SP1: variants seen among roughly 807,000 people sequenced by gnomAD.
The protein encoded by SP1 is transcription factor Sp1.
In SP1, 6 loss-of-function variants were observed where a neutral mutation model predicts 66.3. The ratio of observed to expected loss-of-function variants is 0.09; its 90% confidence interval spans 0.05 to 0.18. The LOEUF (loss-of-function observed/expected upper bound fraction) is 0.18, where lower values mean the gene tolerates loss of function less well. Among genes scored for constraint, SP1 ranks in the 10% least tolerant of loss-of-function variants. The pLI is 1.00. For missense variants in SP1, 848 were observed against 964.5 expected, an observed-to-expected ratio of 0.88 and a Z score of 1.60; for synonymous variants, 417 against 360.8, an observed-to-expected ratio of 1.16 and a Z score of -1.77.
intron 3 of SP1, among the ~76,000 whole-genome samples, chr12:53,400,996 A>C (rs980940395): frequency 5.3e-5 from 8 of 151,450 alleles, no homozygotes; most frequent in African/African-American, 1.9e-4. Flanking sequence ...TCCTGACCTC[A>C]GGTGATCCAC....
At chr12:53,381,598 C>A in intron 1 of SP1, 61 bp from the exon 2 acceptor site, 2 of 1,462,730 alleles carry the variant, frequency 1.4e-6, no homozygotes, top group Non-Finnish European at 1.9e-6. Flanking sequence ...TCCTTTTATC[C>A]TTCCTACTTC....
Position 53,383,135 on chromosome 12 carries a change from G to A in SP1, c.1188G>A (p.Gln396=). ...KEGEQNQQTQ[Q]QQILIQPQLV... is the part of the protein sequence containing the mutation. ...GAGAGCAAAACCAGCAGACACAGCA[G>A]CAACAAATTCTTATCCAGCCTCAGC... Residue 396 remains glutamine, a synonymous_variant, in exon 3 of 6, where the codon CAG becomes CAA. Transcript: ENST00000327443. 1 of 1,614,216 alleles carries A rather than the reference G, an allele frequency of 6.2e-7. No individual in the cohort carries two copies. The highest frequency in any genetic ancestry group is 1.7e-5 in the Admixed American group (1 of 60,018).
At chr12:53,381,247 T>TGGCC (rs1274405072) in intron 1 of SP1, 2 of 156,520 alleles carry the variant, frequency 1.3e-5, no homozygotes, top group African/African-American at 4.8e-5. Flanking sequence ...CCACCGCGCC[T>TGGCC]GGCCTCTCCA....
At chr12:53,405,816 A>G (rs1318966406) in intron 3 of SP1, among the ~76,000 whole-genome samples, 1 of 152,076 alleles carries the variant, frequency 6.6e-6, no homozygotes, top group Non-Finnish European at 1.5e-5. Flanking sequence ...GATAGGTGAA[A>G]AATTACAAAT....
At position 53,410,983 on chromosome 12, in the gene SP1, C is replaced by T; in HGVS notation, c.2101C>T (p.Leu701=). The change falls in exon 6 of 6, where the codon CTG becomes TTG. Residue 701 remains leucine, a synonymous_variant. Transcript: ENST00000327443. ...CPKRFMRSDH[L]SKHIKTHQNK... The stretch of plus-strand genomic sequence containing the variant: ...TAAGCGCTTCATGAGGAGTGACCAC[C>T]TGTCAAAACATATCAAGACCCACCA... 1 of 1,614,150 alleles carries T rather than the reference C, an allele frequency of 6.2e-7. No individual in the cohort carries two copies. The highest frequency in any genetic ancestry group is 8.5e-7 in the Non-Finnish European group (1 of 1,179,980).
intron 3 of SP1, among the ~76,000 whole-genome samples, chr12:53,387,098 G>A (rs902162467): frequency 1.1e-4 from 16 of 151,988 alleles, no homozygotes; most frequent in Admixed American, 2.6e-4. Context: ...TTACAGGCAC[G>A]TCCCACCATG....
At chr12:53,384,321 G>A (rs1938178752) in intron 3 of SP1, among the ~76,000 whole-genome samples, 1 of 147,596 alleles carries the variant, frequency 6.8e-6, no homozygotes, top group African/African-American at 2.5e-5. Context: ...GTCTTACTCT[G>A]TTACCCAGGC....
chr12:53,386,936 G>GTTT (rs145360387), intron 3 of SP1, among the ~76,000 whole-genome samples: 5 of 128,036 alleles, frequency 3.9e-5, no homozygotes, highest in African/African-American at 1.8e-4. Context: ...CAACTTCTAG[G>GTTT]TTTGTTTTTT....
chr12:53,402,448 T>G (rs1399297931), intron 3 of SP1, among the ~76,000 whole-genome samples: 1 of 149,236 alleles, frequency 6.7e-6, no homozygotes, highest in Non-Finnish European at 1.5e-5. Context: ...GGTCTCGAAC[T>G]CCTGACCTCA....
intron 3 of SP1, among the ~76,000 whole-genome samples, chr12:53,400,962 A>G (rs1482595689): frequency 1.3e-5 from 2 of 151,318 alleles, no homozygotes; most frequent in Non-Finnish European, 2.9e-5. Flanking sequence ...AGGTTTCACC[A>G]TGTTGGCCAG....
chr12:53,413,625 T>A lies in SP1; in HGVS notation c.*2385T>A, dbSNP rs1054251389. 1 of 152,636 alleles carries A rather than the reference T, an allele frequency of 6.6e-6. No homozygotes were observed. The highest frequency in any genetic ancestry group is 6.5e-5 in the Admixed American group (1 of 15,272). 9.5% of individuals were successfully genotyped at this position (152,636 alleles called of 1,614,324 possible). A position where few individuals can be genotyped will look rare whatever the true frequency, so the allele number is the denominator to read the frequency against. On this transcript the variant is annotated 3_prime_UTR_variant, in exon 6 of 6. Coordinates refer to ENST00000327443, the MANE Select transcript of SP1 (RefSeq NM_138473.3). ...CCATGCACAGCCACTATCATACCCTTTATTCTCACTGAAAGGCAGAACTCA... is the reference window on the plus strand; with the variant it reads ...CCATGCACAGCCACTATCATACCCTATATTCTCACTGAAAGGCAGAACTCA...
At position 53,413,813 on chromosome 12, in the gene SP1, G is replaced by A. The variant is rs1279322303; in HGVS notation, c.*2573G>A. On this transcript the variant is annotated 3_prime_UTR_variant, in exon 6 of 6. Coordinates refer to ENST00000327443, the MANE Select transcript of SP1 (RefSeq NM_138473.3). ...TATAAAATAATGTAATGATGCTGAG[G>A]ATATAAGCTTTTAGAAGGTAATTTG... is the stretch of plus-strand genomic sequence containing the variant. 1 of 152,224 alleles carries A rather than the reference G, an allele frequency of 6.6e-6. No individual in the cohort carries two copies. Among genetic ancestry groups the A allele is most frequent in the African/African-American group, 2.4e-5 (1 of 41,444 alleles). 9.4% of individuals were successfully genotyped at this position (152,224 alleles called of 1,614,324 possible).
At position 53,412,033 on chromosome 12, in the gene SP1, A is replaced by T. The variant is rs1938900618; in HGVS notation, c.*793A>T. 1 of 151,842 alleles carries T rather than the reference A, an allele frequency of 6.6e-6. No homozygotes were observed. The highest frequency in any genetic ancestry group is 1.5e-5 in the Non-Finnish European group (1 of 67,986). 9.4% of individuals were successfully genotyped at this position (151,842 alleles called of 1,614,324 possible). ...CTGCCTGGATGAGGCACTTCTGTCA[A>T]TTTTTTCAGGACCTTAGTTCCAGCA... On this transcript the variant is annotated 3_prime_UTR_variant, in exon 6 of 6. Transcript: ENST00000327443.
At chr12:53,399,574 G>A (rs551195382) in intron 3 of SP1, among the ~76,000 whole-genome samples, 8 of 151,858 alleles carry the variant, frequency 5.3e-5, no homozygotes, top group African/African-American at 1.9e-4. Context: ...CTTGTGATCC[G>A]CCCGCCTCGG....
intron 3 of SP1, among the ~76,000 whole-genome samples, chr12:53,392,374 T>C (rs1332637247): frequency 9.7e-6 from 1 of 103,516 alleles, no homozygotes; most frequent in East Asian, 2.5e-4. Flanking sequence ...TTTTTTTTTT[T>C]GAGACGGAGT....
At chr12:53,389,207 T>A (rs1938295877) in intron 3 of SP1, among the ~76,000 whole-genome samples, 2 of 148,642 alleles carry the variant, frequency 1.3e-5, no homozygotes, top group Non-Finnish European at 3.0e-5. Context: ...CATTATTTTT[T>A]AAAATGATCT....
chr12:53,396,648 C>G (rs1565813113), intron 3 of SP1, among the ~76,000 whole-genome samples: 1 of 152,144 alleles, frequency 6.6e-6, no homozygotes, highest in Non-Finnish European at 1.5e-5. Context: ...TGCTTTTATG[C>G]TATAGCTTTA....
intron 3 of SP1, among the ~76,000 whole-genome samples, chr12:53,384,442 G>A (rs1393800487): frequency 6.6e-6 from 1 of 151,542 alleles, no homozygotes; most frequent in East Asian, 1.9e-4. Flanking sequence ...GCACCACCAC[G>A]CCCAGCTAAT....
chr12:53,386,372 T>C (rs1488860992), intron 3 of SP1, among the ~76,000 whole-genome samples: 2 of 152,044 alleles, frequency 1.3e-5, no homozygotes, highest in African/African-American at 4.8e-5. Flanking sequence ...GGAAGAATAT[T>C]GAATCTGTTG....
Sources: gnomAD v4.1 joint callset for allele counts (sites outside exome capture counted in the v4.1 genomes callset) on GRCh38, gnomAD v4.1.1 for gene constraint, MANE v1.5 for transcripts, NCBI Gene and HGNC (gene_info 2026-07-23, HGNC 2026-07-21) for gene names.